PTPRD: variants seen among roughly 807,000 people sequenced by gnomAD.
PTPRD encodes the protein protein tyrosine phosphatase receptor type D, also known as receptor-type tyrosine-protein phosphatase delta.
PTPRD carries 34 observed loss-of-function variants against 214.5 expected under a neutral mutation model. The observed-to-expected ratio is 0.16, with a 90% CI of 0.12 to 0.21. PTPRD has a LOEUF of 0.21. Ranked by LOEUF, PTPRD falls within the 10% of genes least tolerant of loss-of-function variation. The pLI, the probability that PTPRD is intolerant of heterozygous loss-of-function variation, is 1.00. For synonymous variants in PTPRD, 1,128 were observed against 845.7 expected, an observed-to-expected ratio of 1.33 and a Z score of -5.79; for missense variants, 2,545 against 2,398.7, an observed-to-expected ratio of 1.06 and a Z score of -1.27.
intron 3 of PTPRD, among the ~76,000 whole-genome samples, chr9:10,066,404 C>A (rs1208130627): frequency 6.6e-6 from 1 of 151,784 alleles, no homozygotes; most frequent in African/African-American, 2.4e-5. Flanking sequence ...AACCACTTCA[C>A]TAATTGAAGC....
At chr9:9,090,253 C>G (rs1206939745) in intron 10 of PTPRD, among the ~76,000 whole-genome samples, 1 of 152,168 alleles carries the variant, frequency 6.6e-6, no homozygotes, top group Non-Finnish European at 1.5e-5. Flanking sequence ...TCATTCTATT[C>G]TCTACCTCTA....
intron 5 of PTPRD, among the ~76,000 whole-genome samples, chr9:9,886,172 C>T (rs1448377217): frequency 6.6e-6 from 1 of 151,970 alleles, no homozygotes; most frequent in Admixed American, 6.6e-5. Context: ...GAGGACAACT[C>T]CAGAGAGCAA....
chr9:8,566,983 T>C (rs2089492493), intron 14 of PTPRD, among the ~76,000 whole-genome samples: 1 of 152,182 alleles, frequency 6.6e-6, no homozygotes, highest in Admixed American at 6.5e-5. Context: ...AAGGTATGTT[T>C]CTTACATCTC....
chr9:10,450,890 G>T (rs372651925), intron 2 of PTPRD, among the ~76,000 whole-genome samples: 1 of 151,838 alleles, frequency 6.6e-6, no homozygotes, highest in African/African-American at 2.4e-5. Context: ...TATTCATATA[G>T]AATTTCAACA....
chr9:8,776,404 G>T (rs2095476093), intron 11 of PTPRD, among the ~76,000 whole-genome samples: 1 of 152,132 alleles, frequency 6.6e-6, no homozygotes, highest in African/African-American at 2.4e-5. Flanking sequence ...CCAGGGTCAG[G>T]TGATCCTGAT....
chr9:9,499,378 CTG>C (rs2154219773), intron 8 of PTPRD, among the ~76,000 whole-genome samples: 1 of 152,122 alleles, frequency 6.6e-6, no homozygotes, highest in African/African-American at 2.4e-5. Context: ...ACTCACCACT[CTG>C]TATTTTCTTA....
At chr9:9,878,386 C>G (rs972108222) in intron 5 of PTPRD, among the ~76,000 whole-genome samples, 1 of 152,008 alleles carries the variant, frequency 6.6e-6, no homozygotes, top group Non-Finnish European at 1.5e-5. Flanking sequence ...TGCTAGCTAT[C>G]GTGGGAGAAT....
intron 7 of PTPRD, among the ~76,000 whole-genome samples, chr9:9,676,833 T>C (rs904573760): frequency 2.5e-4 from 38 of 152,284 alleles, no homozygotes; most frequent in African/African-American, 9.1e-4. Flanking sequence ...TGGTGTGAGA[T>C]GGTATCTCAT....
At chr9:10,577,413 A>T (rs903854134) in intron 2 of PTPRD, among the ~76,000 whole-genome samples, 11 of 152,168 alleles carry the variant, frequency 7.2e-5, no homozygotes, top group Non-Finnish European at 1.6e-4. Flanking sequence ...AATTTCTGAG[A>T]CTGTGATGTT....
intron 10 of PTPRD, among the ~76,000 whole-genome samples, chr9:9,069,751 T>A (rs544078251): frequency 9.9e-5 from 15 of 152,208 alleles, no homozygotes; most frequent in Non-Finnish European, 1.8e-4. Flanking sequence ...AGGAAACATG[T>A]ATACCTCTTA....
chr9:9,975,251 C>T (rs2095310633), intron 4 of PTPRD, among the ~76,000 whole-genome samples: 1 of 152,252 alleles, frequency 6.6e-6, no homozygotes, highest in South Asian at 2.1e-4. Context: ...TTATCTAGAT[C>T]CCCAGATAAG....
intron 11 of PTPRD, among the ~76,000 whole-genome samples, chr9:8,852,424 T>C (rs1378293709): frequency 6.6e-6 from 1 of 152,218 alleles, no homozygotes; most frequent in Non-Finnish European, 1.5e-5. Context: ...TTCTGGTCAA[T>C]GAATTCAAAG....
At chr9:8,940,222 C>G (rs1489111913) in intron 11 of PTPRD, among the ~76,000 whole-genome samples, 1 of 148,990 alleles carries the variant, frequency 6.7e-6, no homozygotes, top group Non-Finnish European at 1.5e-5. Context: ...CTGCTAAATT[C>G]TTTCCCCAGA....
chr9:9,805,262 A>G (rs1162942928), intron 5 of PTPRD, among the ~76,000 whole-genome samples: 1 of 152,112 alleles, frequency 6.6e-6, no homozygotes, highest in Admixed American at 6.5e-5. Context: ...TAATATATAA[A>G]GTGCTTTGCC....
At chr9:9,147,313 G>T (rs765535852) in intron 10 of PTPRD, among the ~76,000 whole-genome samples, 1 of 150,980 alleles carries the variant, frequency 6.6e-6, no homozygotes, top group Non-Finnish European at 1.5e-5. Context: ...CAGTAAAAAT[G>T]AGTTTCCTGG....
chr9:8,486,156 C>T lies in PTPRD; in HGVS notation c.2661G>A (p.Lys887=), dbSNP rs2135956300. The change falls in exon 28 of 46, where the codon AAG becomes AAA. Residue 887 remains lysine, a synonymous_variant. Coordinates refer to ENST00000381196, the MANE Select transcript of PTPRD (RefSeq NM_002839.4). ...AGAGCCTGAAGACGTATGATGCTCC[C>T]TTGTGGATGTCTGTAGCTGTAAAGT... ...EDHFTATDIH[K]GASYVFRLSA... The T allele has an allele frequency of 6.2e-7, 1 of 1,614,200 alleles. No individual in the cohort carries two copies. Among genetic ancestry groups the T allele is most frequent in the East Asian group, 2.2e-5 (1 of 44,876 alleles).
chr9:8,447,943 T>C (rs908298728), intron 34 of PTPRD, among the ~76,000 whole-genome samples: 4 of 152,308 alleles, frequency 2.6e-5, no homozygotes, highest in Admixed American at 2.6e-4. Flanking sequence ...AGGAATCATG[T>C]AGCAGATCAT....
At chr9:9,967,586 C>T (rs923252387) in intron 4 of PTPRD, among the ~76,000 whole-genome samples, 3 of 152,158 alleles carry the variant, frequency 2.0e-5, no homozygotes, top group Non-Finnish European at 4.4e-5. Flanking sequence ...TCTCACTTTT[C>T]AGATGAGGAA....
Position 10,256,415 on chromosome 9 carries a change from T to A in PTPRD, c.-545+84548A>T, listed in dbSNP as rs542524448. 2.0e-5 allele frequency among the ~76,000 whole-genome samples: 3 copies of A among 149,650 alleles called. No individual in the cohort carries two copies. In the South Asian group the frequency reaches 6.3e-4, roughly 32 times the overall value. On this transcript the variant is annotated intron_variant, in intron 3 of 45. Coordinates refer to ENST00000381196, the MANE Select transcript of PTPRD (RefSeq NM_002839.4). ...TACAGCTTTTTTTTTTTTTAATAAG[T>A]AGGAGTACACTCTAACATAATAAAA...
Sources: allele counts gnomAD v4.1 joint callset (sites outside exome capture counted in the v4.1 genomes callset), GRCh38; gene constraint gnomAD v4.1.1; transcripts MANE v1.5; gene names NCBI Gene and HGNC (gene_info 2026-07-23, HGNC 2026-07-21).